The following CEMIP variants were observed in gnomAD, a reference collection of about 807,000 sequenced individuals.
CEMIP encodes cell migration-inducing and hyaluronan-binding protein.
CEMIP carries 105 observed loss-of-function variants against 156.9 expected under a neutral mutation model. That is an observed-to-expected ratio of 0.67 (90% CI 0.57 to 0.79). The LOEUF (loss-of-function observed/expected upper bound fraction) is 0.79, where lower values mean the gene tolerates loss of function less well. CEMIP is among the 30% of genes least tolerant of loss of function. The pLI, the probability that CEMIP is intolerant of heterozygous loss-of-function variation, is 0.00. For synonymous variants in CEMIP, 676 were observed against 668.4 expected (o/e 1.01, Z -0.17); for missense variants, 1,457 against 1,769.4 (o/e 0.82, Z 3.17).
Position 80,873,953 on chromosome 15 carries a change from T to G in CEMIP, c.74T>G (p.Phe25Cys). ...LTISWLTLTC[F>C]PGATSTVAAG... The stretch of plus-strand genomic sequence containing the variant: ...ATCAGCTGGCTCACTCTGACCTGCT[T>G]CCCTGGGGCCACATCCACAGGTGAG... Residue 25 changes from phenylalanine to cysteine, a missense_variant, in exon 3 of 30, where the codon TTC (phenylalanine) becomes TGC (cysteine). This residue lies in a region of CEMIP where 309 missense variants were observed against 340.8 expected (regional missense o/e 0.91). Transcript: ENST00000394685. The G allele has an allele frequency of 6.4e-7, 1 of 1,572,516 alleles. No homozygotes were observed. Among genetic ancestry groups the G allele is most frequent in the Middle Eastern group, 1.7e-4 (1 of 6,012 alleles).
intron 1 of CEMIP, among the ~76,000 whole-genome samples, chr15:80,850,737 A>T (rs1270751497): frequency 2.6e-5 from 4 of 152,184 alleles, no homozygotes; most frequent in Admixed American, 1.3e-4. Context: ...AGCCTGGCTC[A>T]GTTTTCTCCC....
intron 10 of CEMIP, among the ~76,000 whole-genome samples, chr15:80,894,638 A>T (rs1899149041): frequency 6.6e-6 from 1 of 152,166 alleles, no homozygotes; most frequent in Admixed American, 6.5e-5. Context: ...TGGTGCTGGT[A>T]GTGGTGGTGC....
At chr15:80,874,110 T>A (rs1247978219) in intron 3 of CEMIP, 137 bp downstream of exon 3, 2 of 766,186 alleles carry the variant, frequency 2.6e-6, no homozygotes, top group Non-Finnish European at 4.5e-6. Flanking sequence ...TGGCCCGACC[T>A]TACTAAACTC....
At chr15:80,839,853 T>C (rs1897355898) in intron 1 of CEMIP, among the ~76,000 whole-genome samples, 1 of 152,202 alleles carries the variant, frequency 6.6e-6, no homozygotes, top group Non-Finnish European at 1.5e-5. Context: ...GGCAAAGTGC[T>C]AGACACGCCA....
At chr15:80,929,975 C>G (rs912286447) in intron 21 of CEMIP, among the ~76,000 whole-genome samples, 1 of 152,166 alleles carries the variant, frequency 6.6e-6, no homozygotes, top group African/African-American at 2.4e-5. Context: ...GAGGAAATCT[C>G]CTTTCTTCTG....
At chr15:80,867,887 G>T (rs950487227) in intron 1 of CEMIP, among the ~76,000 whole-genome samples, 1 of 152,172 alleles carries the variant, frequency 6.6e-6, no homozygotes, top group Non-Finnish European at 1.5e-5. Context: ...CGGCGTGTTT[G>T]GCTGCCCCTT....
intron 21 of CEMIP, among the ~76,000 whole-genome samples, chr15:80,930,708 G>A (rs1900879816): frequency 2.6e-5 from 4 of 152,216 alleles, no homozygotes; most frequent in Admixed American, 2.6e-4. Context: ...TGACTGCTGT[G>A]CCTAGGGTCT....
rs545550779 is a variant in CEMIP, at chr15:80,864,658, G to A, written c.-175-8880G>A. ...GAGTAATTGGCCAACTACACATACC[G>A]CCCTTAAGTGGCAGGTCTGAGACTT... is the stretch of plus-strand genomic sequence containing the variant. On this transcript the variant is annotated intron_variant, in intron 1 of 29. Coordinates refer to ENST00000394685, the MANE Select transcript of CEMIP (RefSeq NM_001293298.2). 3.9e-5 allele frequency among the ~76,000 whole-genome samples: 6 copies of A among 152,282 alleles called. No homozygotes were observed. In the East Asian group the frequency reaches 7.7e-4, roughly 20 times the overall value.
rs746420704 is a variant in CEMIP, at chr15:80,888,802, G to A, written c.964+6G>A. On this transcript the variant is annotated splice_donor_region_variant and intron_variant, in intron 9 of 29. Transcript: ENST00000394685. ...GTCCAGTGAGTGGGTTCAAGGTGAG[G>A]AGTTTCAGACAATTTGGTGACACCT... The A allele has an allele frequency of 3.7e-6, 6 of 1,611,956 alleles. No individual in the cohort carries two copies. The highest frequency in any genetic ancestry group is 5.1e-6 in the Non-Finnish European group (6 of 1,178,046).
intron 23 of CEMIP, among the ~76,000 whole-genome samples, chr15:80,935,368 A>G (rs1188516005): frequency 1.3e-5 from 2 of 151,988 alleles, no homozygotes; most frequent in Non-Finnish European, 2.9e-5. Flanking sequence ...TCCTTCCCAC[A>G]CTTTCTTTCT....
At chr15:80,822,122 T>C (rs1038141596) in intron 1 of CEMIP, among the ~76,000 whole-genome samples, 8 of 152,236 alleles carry the variant, frequency 5.3e-5, no homozygotes, top group African/African-American at 1.9e-4. Flanking sequence ...TACATCCAAC[T>C]GGCTTCGACA....
intron 3 of CEMIP, among the ~76,000 whole-genome samples, chr15:80,877,494 T>A (rs76403068): frequency 0.01 from 1,531 of 152,300 alleles, 25 homozygotes; most frequent in African/African-American, 0.034. Context: ...CATACTTCGC[T>A]CCCTTCTGGT....
At chr15:80,890,721 T>C (rs1004384120) in intron 10 of CEMIP, among the ~76,000 whole-genome samples, 8 of 152,152 alleles carry the variant, frequency 5.3e-5, no homozygotes, top group African/African-American at 1.9e-4. Context: ...GGGTCCCAGG[T>C]CAGCTCGAGT....
chr15:80,812,501 G>A (rs1019236412), intron 1 of CEMIP, among the ~76,000 whole-genome samples: 2 of 152,172 alleles, frequency 1.3e-5, no homozygotes, highest in African/African-American at 4.8e-5. Flanking sequence ...TCTCTCACCT[G>A]TATAATGGGC....
At chr15:80,838,959 G>C (rs1897325840) in intron 1 of CEMIP, among the ~76,000 whole-genome samples, 1 of 152,208 alleles carries the variant, frequency 6.6e-6, no homozygotes, top group Admixed American at 6.5e-5. Context: ...CATGTTTGGT[G>C]CTGAGGTATT....
chr15:80,917,360 G>A (rs1900313132), intron 14 of CEMIP, among the ~76,000 whole-genome samples: 1 of 152,122 alleles, frequency 6.6e-6, no homozygotes, highest in Non-Finnish European at 1.5e-5. Flanking sequence ...TGAGGTTGCT[G>A]AGCATCCTGG....
intron 1 of CEMIP, among the ~76,000 whole-genome samples, chr15:80,805,609 TTTA>T (rs1896495596): frequency 1.3e-5 from 2 of 152,242 alleles, no homozygotes; most frequent in South Asian, 4.1e-4. Flanking sequence ...ATTAATTAAC[TTTA>T]TTATTATGTT....
chr15:80,901,125 C>G (rs1899517523), intron 12 of CEMIP, among the ~76,000 whole-genome samples: 1 of 152,104 alleles, frequency 6.6e-6, no homozygotes, highest in Admixed American at 6.5e-5. Flanking sequence ...TCTTTACCAC[C>G]TCCCCACTTT....
chr15:80,833,399 T>A (rs1282684291), intron 1 of CEMIP, among the ~76,000 whole-genome samples: 1 of 152,190 alleles, frequency 6.6e-6, no homozygotes, highest in Non-Finnish European at 1.5e-5. Context: ...GACTCACTTT[T>A]CAGCTCCTTC....
Sources: allele counts gnomAD v4.1 joint callset (sites outside exome capture counted in the v4.1 genomes callset), GRCh38; gene constraint gnomAD v4.1.1; regional missense constraint gnomAD v4.1.1; transcripts MANE v1.5; gene names NCBI Gene and HGNC (gene_info 2026-07-23, HGNC 2026-07-21).